Variants in VTA1 observed in about 807,000 individuals in gnomAD.
The protein encoded by VTA1 is vesicle trafficking 1.
In VTA1, 24 loss-of-function variants were observed where a neutral mutation model predicts 36.9. The ratio of observed to expected loss-of-function variants is 0.65; its 90% confidence interval spans 0.47 to 0.91. VTA1 has a LOEUF of 0.91. VTA1 is among the 40% of genes least tolerant of loss of function. The probability of loss-of-function intolerance (pLI) is 0.00; values close to 1 mark genes in which losing one functional copy is unlikely to be tolerated. For missense variants in VTA1, 393 were observed against 377.2 expected, an observed-to-expected ratio of 1.04 and a Z score of -0.35; for synonymous variants, 142 against 130.2, an observed-to-expected ratio of 1.09 and a Z score of -0.62.
chr6:142,196,365 T>C (rs1161044326), intron 5 of VTA1, among the ~76,000 whole-genome samples: 1 of 152,218 alleles, frequency 6.6e-6, no homozygotes, highest in Admixed American at 6.5e-5. Flanking sequence ...GATATTTACA[T>C]GGTTTGTCAT....
rs372502542 is a variant in VTA1, at chr6:142,147,301, C to T, written c.14C>T (p.Ala5Val). 42 of 1,614,086 alleles carry T rather than the reference C, an allele frequency of 2.6e-5. No individual in the cohort carries two copies. The highest frequency in any genetic ancestry group is 3.5e-5 in the Non-Finnish European group (41 of 1,180,040). Residue 5 changes from alanine to valine, a missense_variant, in exon 1 of 8, where the codon GCA becomes GTA. Physicochemically the swap from Ala to Val is moderately conservative, Grantham distance 64 (BLOSUM62 0). Coordinates refer to ENST00000367630, the MANE Select transcript of VTA1 (RefSeq NM_016485.5). MAAL[A>V]PLPPLPAQFK... ...TTCGGAGTAGAGATGGCCGCGCTTG[C>T]ACCGCTGCCCCCGCTCCCCGCACAG...
intron 4 of VTA1, among the ~76,000 whole-genome samples, chr6:142,182,647 A>C (rs1049595423): frequency 6.6e-6 from 1 of 152,218 alleles, no homozygotes; most frequent in African/African-American, 2.4e-5. Context: ...TGACAACTAT[A>C]AGATTTTTAA....
rs1775412888 is a variant in VTA1 at position 142,189,597 on chromosome 6, T to TG, written c.520+63_520+64insG. The TG allele has an allele frequency of 3.0e-6, 4 of 1,340,726 alleles. No individual in the cohort carries two copies. The Admixed American group carries it at 7.9e-5, about 26-fold the overall frequency. 83.1% of individuals were successfully genotyped at this position (1,340,726 alleles called of 1,614,324 possible). On this transcript the variant is annotated intron_variant, in intron 5 of 7. Transcript: ENST00000367630. ...GAATCATAATTATTCAGTAGATTAC[T>TG]CAAAGTTTTTGGAGGGAACAATACA...
intron 4 of VTA1, among the ~76,000 whole-genome samples, chr6:142,177,155 T>G (rs1775141579): frequency 6.6e-6 from 1 of 151,842 alleles, no homozygotes; most frequent in African/African-American, 2.4e-5. Flanking sequence ...GAGAGTAGAG[T>G]TATGTCTAAT....
chr6:142,213,755 A>G (rs1420057418), intron 7 of VTA1, among the ~76,000 whole-genome samples: 1 of 152,054 alleles, frequency 6.6e-6, no homozygotes, highest in African/African-American at 2.4e-5. Context: ...CCTTTTAGCT[A>G]TGGCTGGAGC....
intron 1 of VTA1, among the ~76,000 whole-genome samples, chr6:142,150,416 C>G (rs1489643674): frequency 6.6e-6 from 1 of 152,142 alleles, no homozygotes; most frequent in Non-Finnish European, 1.5e-5. Flanking sequence ...GTCAGGGTAG[C>G]AAAGTAGTAT....
At chr6:142,183,760 G>A (rs1238831137) in intron 4 of VTA1, among the ~76,000 whole-genome samples, 1 of 152,176 alleles carries the variant, frequency 6.6e-6, no homozygotes, top group Non-Finnish European at 1.5e-5. Flanking sequence ...AAGTGAATTA[G>A]TGGAATTACA....
chr6:142,213,831 A>T (rs1775952208), intron 7 of VTA1, among the ~76,000 whole-genome samples: 1 of 152,060 alleles, frequency 6.6e-6, no homozygotes, highest in South Asian at 2.1e-4. Context: ...TGGCTCATGG[A>T]ACCATTTTTT....
At chr6:142,216,424 AT>A (rs1776005754) in intron 7 of VTA1, among the ~76,000 whole-genome samples, 1 of 152,146 alleles carries the variant, frequency 6.6e-6, no homozygotes, top group African/African-American at 2.4e-5. Flanking sequence ...ATGTAACATG[AT>A]TTTTTAGCTT....
chr6:142,216,944 A>G (rs903367651), intron 7 of VTA1, among the ~76,000 whole-genome samples: 1 of 152,206 alleles, frequency 6.6e-6, no homozygotes, highest in Non-Finnish European at 1.5e-5. Context: ...ATTTTCAAAG[A>G]TGTTTCCTCA....
At position 142,198,151 on chromosome 6, in the gene VTA1, GTGTGTGTGTGTGTA is replaced by G. The variant is rs1345528720; in HGVS notation, c.521-286_521-273del. 3.8e-3 allele frequency among the ~76,000 whole-genome samples: 559 copies of G among 147,768 alleles called. 2 individuals are homozygous for G. Among genetic ancestry groups the G allele is most frequent in the Non-Finnish European group, 5.7e-3 (383 of 66,782 alleles). ...TGTGTGTGTGTGTGTGTGTGTGTGT[GTGTGTGTGTGTGTA>G]TATGTGTGTACATATACACTATATG... On this transcript the variant is annotated intron_variant, in intron 5 of 7. Coordinates refer to ENST00000367630, the MANE Select transcript of VTA1 (RefSeq NM_016485.5).
At chr6:142,181,092 A>ATATATATATAT (rs1201647610) in intron 4 of VTA1, among the ~76,000 whole-genome samples, 8 of 41,934 alleles carry the variant, frequency 1.9e-4, no homozygotes, top group Non-Finnish European at 3.1e-4. Flanking sequence ...AAAAAAAAAA[A>ATATATATATAT]AAATATATAT....
intron 1 of VTA1, among the ~76,000 whole-genome samples, chr6:142,159,503 T>TATG (rs1582877312): frequency 7.2e-6 from 1 of 139,372 alleles, no homozygotes; most frequent in East Asian, 2.0e-4. Context: ...TTATTATTAT[T>TATG]ATTATTATTA....
chr6:142,153,660 C>G (rs559296504), intron 1 of VTA1, among the ~76,000 whole-genome samples: 1 of 151,874 alleles, frequency 6.6e-6, no homozygotes, highest in African/African-American at 2.4e-5. Context: ...TAATGTATAT[C>G]AAATTACTTT....
intron 6 of VTA1, among the ~76,000 whole-genome samples, chr6:142,201,936 G>T (rs988441156): frequency 2.0e-4 from 31 of 151,984 alleles, no homozygotes; most frequent in African/African-American, 7.2e-4. Context: ...TCTATAAATA[G>T]AGATTTGTTT....
rs1324536259 is a variant in VTA1, at chr6:142,220,846, A to G, written c.*2203A>G. On this transcript the variant is annotated 3_prime_UTR_variant, in exon 8 of 8. Transcript: ENST00000367630. ...ACTGAATGGCTACTATATGCCTGGTATTGTTCTTTGAAAGCAGAAACAGCA... is the reference window on the plus strand; with the variant it reads ...ACTGAATGGCTACTATATGCCTGGTGTTGTTCTTTGAAAGCAGAAACAGCA... The G allele has an allele frequency of 2.0e-5, 3 of 151,930 alleles. No individual in the cohort carries two copies. Among genetic ancestry groups the G allele is most frequent in the Non-Finnish European group, 2.9e-5 (2 of 68,000 alleles). The allele number at this position is 151,930 out of a possible 1,614,324, so 9.4% of individuals were successfully genotyped here.
At chr6:142,161,102 C>G (rs1774800783) in intron 1 of VTA1, among the ~76,000 whole-genome samples, 1 of 122,982 alleles carries the variant, frequency 8.1e-6, no homozygotes, top group Non-Finnish European at 1.6e-5. Context: ...TTTTTTGGGT[C>G]AAATAGTGTG....
intron 5 of VTA1, among the ~76,000 whole-genome samples, chr6:142,196,169 C>CTGAT (rs1775548818): frequency 6.6e-6 from 1 of 152,142 alleles, no homozygotes. Context: ...CTATATCTTG[C>CTGAT]TGATGTTCCT....
At chr6:142,214,299 C>T (rs1775966189) in intron 7 of VTA1, among the ~76,000 whole-genome samples, 1 of 152,210 alleles carries the variant, frequency 6.6e-6, no homozygotes, top group Non-Finnish European at 1.5e-5. Context: ...ATAAGTTCCT[C>T]ATCTCCATCT....
Sources: allele counts gnomAD v4.1 joint callset (sites outside exome capture counted in the v4.1 genomes callset), GRCh38; gene constraint gnomAD v4.1.1; transcripts MANE v1.5; gene names NCBI Gene and HGNC (gene_info 2026-07-23, HGNC 2026-07-21).